RAB11FIP4: variants seen among roughly 807,000 people sequenced by gnomAD.
The protein encoded by RAB11FIP4 is rab11 family-interacting protein 4.
RAB11FIP4 carries 23 observed loss-of-function variants against 74.3 expected under a neutral mutation model. That is an observed-to-expected ratio of 0.31 (90% CI 0.22 to 0.44). The LOEUF is 0.44. Among genes scored for constraint, RAB11FIP4 ranks in the 20% least tolerant of loss-of-function variants. The pLI is 1.00. For synonymous variants in RAB11FIP4, 360 were observed against 359.9 expected (o/e 1.00, Z 0.00); for missense variants, 630 against 863.9 (o/e 0.73, Z 3.39).
chr17:31,524,393 ATGGAG>A, intron 9 of RAB11FIP4: 1 of 198,326 alleles, frequency 5.0e-6, no homozygotes, highest in South Asian at 1.0e-4. Context: ...ACTGCTGCTG[ATGGAG>A]GTCCCCTGAG....
intron 3 of RAB11FIP4, among the ~76,000 whole-genome samples, chr17:31,466,487 G>GTTA (rs2071687297): frequency 6.6e-6 from 1 of 152,200 alleles, no homozygotes. Context: ...GTTAGCAGCT[G>GTTA]TTACACCATT....
At chr17:31,409,138 G>A (rs1471189544) in intron 1 of RAB11FIP4, among the ~76,000 whole-genome samples, 1 of 152,084 alleles carries the variant, frequency 6.6e-6, no homozygotes, top group Non-Finnish European at 1.5e-5. Context: ...GATAAGGGTT[G>A]GTAAGGGATG....
intron 1 of RAB11FIP4, among the ~76,000 whole-genome samples, chr17:31,417,657 C>T (rs968608682): frequency 7.2e-5 from 11 of 152,102 alleles, no homozygotes; most frequent in Non-Finnish European, 1.3e-4. Context: ...GGTGGGGCTG[C>T]GGTGGGGAAC....
At chr17:31,476,172 C>CTTTTTTTTTTTTTTTT (rs71369069) in intron 3 of RAB11FIP4, among the ~76,000 whole-genome samples, 2 of 63,532 alleles carry the variant, frequency 3.1e-5, no homozygotes, top group African/African-American at 1.2e-4. Context: ...ATCGACTGAA[C>CTTTTTTTTTTTTTTTT]TTTTTTTTTT....
rs1480900258 is a variant in RAB11FIP4 at position 31,531,764 on chromosome 17, A to G, written c.*32A>G. On this transcript the variant is annotated 3_prime_UTR_variant, in exon 15 of 15. Transcript: ENST00000621161. ...GGGCTGGCTGCAGAGCAGCCTTAGG[A>G]CCCTGGGACCAAGGGCAGACCCTGC... 6.9e-7 allele frequency: 1 copy of G among 1,458,918 alleles called. No individual in the cohort carries two copies. The highest frequency in any genetic ancestry group is 1.7e-5 in the Admixed American group (1 of 59,156). 90.4% of individuals were successfully genotyped at this position (1,458,918 alleles called of 1,614,324 possible).
At chr17:31,396,381 G>T (rs1009456795) in intron 1 of RAB11FIP4, among the ~76,000 whole-genome samples, 1 of 151,962 alleles carries the variant, frequency 6.6e-6, no homozygotes, top group Non-Finnish European at 1.5e-5. Flanking sequence ...AACCTCTTTA[G>T]GCCTCTATTT....
intron 3 of RAB11FIP4, chr17:31,488,369 C>T: frequency 9.4e-7 from 1 of 1,061,780 alleles, no homozygotes; most frequent in Middle Eastern, 4.0e-4. Flanking sequence ...GGAGAGCGGA[C>T]TTGGCCTGGG....
intron 1 of RAB11FIP4, among the ~76,000 whole-genome samples, chr17:31,401,670 C>T (rs550732520): frequency 1.9e-4 from 29 of 152,358 alleles, no homozygotes; most frequent in East Asian, 1.7e-3. Flanking sequence ...ACACATGGGC[C>T]TGCAGTGGGC....
Position 31,392,010 on chromosome 17 carries a change from A to T in RAB11FIP4, c.158A>T (p.Glu53Val). The T allele has an allele frequency of 7.6e-7, 1 of 1,318,632 alleles. No homozygotes were observed. The highest frequency in any genetic ancestry group is 9.7e-7 in the Non-Finnish European group (1 of 1,034,856). 81.7% of individuals were successfully genotyped at this position (1,318,632 alleles called of 1,614,324 possible). A position where few individuals can be genotyped will look rare whatever the true frequency, so the allele number is the denominator to read the frequency against. The change falls in exon 1 of 15, where the codon GAG becomes GTG. Residue 53 changes from glutamate (E) to valine (V), a missense_variant and splice_region_variant. Physicochemically the swap from Glu to Val is moderately radical, Grantham distance 121 (BLOSUM62 -2). Transcript: ENST00000621161. ...GGACTGCGCTTCGGCCAGGGCGAGG[A>T]GGTAAGCTGGCCCGACCCCAGTCCC... ...ALGLRFGQGE[E>V]VEKLVKYLDP...
intron 3 of RAB11FIP4, among the ~76,000 whole-genome samples, chr17:31,473,814 G>C (rs576284831): frequency 6.6e-6 from 1 of 152,276 alleles, no homozygotes; most frequent in South Asian, 2.1e-4. Flanking sequence ...CTGCCCACTG[G>C]ATAGTCAGTT....
At chr17:31,449,806 A>T (rs1226283768) in intron 3 of RAB11FIP4, among the ~76,000 whole-genome samples, 4 of 152,176 alleles carry the variant, frequency 2.6e-5, no homozygotes, top group African/African-American at 9.7e-5. Flanking sequence ...CCTGGCCTCA[A>T]GCAATCCTCC....
At chr17:31,494,369 G>T (rs2072073240) in intron 3 of RAB11FIP4, among the ~76,000 whole-genome samples, 1 of 152,134 alleles carries the variant, frequency 6.6e-6, no homozygotes, top group Non-Finnish European at 1.5e-5. Flanking sequence ...AGGGTTCGTG[G>T]TAAGGCTCAA....
chr17:31,396,534 CATT>C (rs1353447217), intron 1 of RAB11FIP4, among the ~76,000 whole-genome samples: 1 of 152,150 alleles, frequency 6.6e-6, no homozygotes, highest in Non-Finnish European at 1.5e-5. Context: ...CTCTCCTTGT[CATT>C]ATTATTATTT....
rs1275472695 is a variant in RAB11FIP4, at chr17:31,434,063, T to C, written c.277T>C (p.Ser93Pro). The change falls in exon 3 of 15, where the codon TCG (serine) becomes CCG (proline). Residue 93 changes from serine (S) to proline (P), a missense_variant. Coordinates refer to ENST00000621161, the MANE Select transcript of RAB11FIP4 (RefSeq NM_032932.6). ...GCEELLKDVL[S>P]VESAGTLPCA... ...CGAGGAGCTGCTGAAGGATGTGCTG[T>C]CGGTGGAGAGCGCGGGGACGCTGCC... The C allele has an allele frequency of 4.4e-6, 7 of 1,587,306 alleles. No individual in the cohort carries two copies. The highest frequency in any genetic ancestry group is 6.0e-6 in the Non-Finnish European group (7 of 1,174,608).
chr17:31,472,025 G>C (rs2071742043), intron 3 of RAB11FIP4, among the ~76,000 whole-genome samples: 1 of 152,160 alleles, frequency 6.6e-6, no homozygotes, highest in Admixed American at 6.5e-5. Context: ...AGCCGGGCGT[G>C]GTGGCGAGTG....
chr17:31,488,106 C>T, intron 3 of RAB11FIP4: 1 of 1,021,256 alleles, frequency 9.8e-7, no homozygotes, highest in Non-Finnish European at 1.2e-6. Context: ...GCCGCGCCTT[C>T]CACTGGTGCC....
intron 1 of RAB11FIP4, among the ~76,000 whole-genome samples, chr17:31,425,522 C>T (rs1240578813): frequency 2.0e-5 from 3 of 152,066 alleles, no homozygotes; most frequent in Non-Finnish European, 4.4e-5. Flanking sequence ...GCAACGGCAA[C>T]GAAGCTTTTT....
intron 1 of RAB11FIP4, among the ~76,000 whole-genome samples, chr17:31,429,391 G>C: frequency 6.6e-6 from 1 of 152,186 alleles, no homozygotes; most frequent in Non-Finnish European, 1.5e-5. Context: ...TGCAACCGAA[G>C]TCATGATCTG....
chr17:31,408,135 G>A (rs2071059562), intron 1 of RAB11FIP4, among the ~76,000 whole-genome samples: 1 of 151,472 alleles, frequency 6.6e-6, no homozygotes, highest in Admixed American at 6.6e-5. Context: ...TTTTTGTTTT[G>A]TTTTTAATGC....
Sources: gnomAD v4.1 joint callset for allele counts (sites outside exome capture counted in the v4.1 genomes callset) on GRCh38, gnomAD v4.1.1 for gene constraint, MANE v1.5 for transcripts, NCBI Gene and HGNC (gene_info 2026-07-23, HGNC 2026-07-21) for gene names.